Variants in KDM4B observed in about 807,000 individuals in gnomAD.
KDM4B encodes the protein lysine-specific demethylase 4B.
Under a neutral mutation model 125.2 loss-of-function variants are expected in KDM4B, and 32 were observed. The ratio of observed to expected loss-of-function variants is 0.26; its 90% confidence interval spans 0.19 to 0.34. The LOEUF (loss-of-function observed/expected upper bound fraction) is 0.34. KDM4B is among the 10% of genes least tolerant of loss of function. KDM4B has a pLI of 1.00. For synonymous variants in KDM4B, 721 were observed against 677.9 expected (o/e 1.06, Z -0.99); for missense variants, 1,190 against 1,577.7 (o/e 0.75, Z 4.16).
intron 9 of KDM4B, among the ~76,000 whole-genome samples, chr19:5,103,471 G>A (rs1249108733): frequency 6.6e-6 from 1 of 152,132 alleles, no homozygotes; most frequent in Admixed American, 6.5e-5. Context: ...CAAGAATATC[G>A]GGCTGTCGGA....
intron 1 of KDM4B, among the ~76,000 whole-genome samples, chr19:5,009,815 A>G (rs1461629574): frequency 6.6e-6 from 1 of 151,646 alleles, no homozygotes; most frequent in Non-Finnish European, 1.5e-5. Flanking sequence ...CACTGCAGCC[A>G]CTGCCTCCCA....
intron 11 of KDM4B, among the ~76,000 whole-genome samples, chr19:5,130,647 G>A (rs1316839741): frequency 2.0e-5 from 3 of 152,256 alleles, no homozygotes; most frequent in Non-Finnish European, 2.9e-5. Context: ...GGATACACGA[G>A]AACACAAAAA....
chr19:5,119,228 C>CT, intron 10 of KDM4B: 1 of 1,509,900 alleles, frequency 6.6e-7, no homozygotes, highest in Non-Finnish European at 8.9e-7. Flanking sequence ...TCGTAAGTGT[C>CT]TTTTTCGTTC....
intron 1 of KDM4B, among the ~76,000 whole-genome samples, chr19:4,990,240 C>T (rs756238193): frequency 1.3e-5 from 2 of 152,124 alleles, no homozygotes; most frequent in Non-Finnish European, 1.5e-5. Flanking sequence ...CAGTGAGCCA[C>T]GATTGCACCA....
Position 5,143,727 on chromosome 19 carries a change from G to T in KDM4B, c.2551-240G>T, listed in dbSNP as rs1047954128. 3.3e-5 allele frequency among the ~76,000 whole-genome samples: 5 copies of T among 152,156 alleles called. No homozygotes were observed. In the South Asian group the frequency reaches 8.3e-4, roughly 25 times the overall value. ...TGTCCCAGCAGCCAGTGACATGCAG[G>T]GGGGATGGGAGAGGACTCCCCAGAG... is the stretch of plus-strand genomic sequence containing the variant. On this transcript the variant is annotated intron_variant, in intron 18 of 22. Transcript: ENST00000159111.
intron 2 of KDM4B, among the ~76,000 whole-genome samples, chr19:5,025,098 TTTG>T (rs1366628935): frequency 5.9e-5 from 9 of 152,346 alleles, no homozygotes; most frequent in African/African-American, 2.2e-4. Context: ...GGACCCTTTT[TTTG>T]TTGTTAGAGA....
In KDM4B at chr19:5,114,081, G is replaced by T. The variant is rs2039206868; in HGVS notation, c.1115+3263G>T. 4 of 1,289,290 alleles carry T rather than the reference G, an allele frequency of 3.1e-6. No individual in the cohort carries two copies. The South Asian group carries it at 3.7e-5, about 12-fold the overall frequency. 79.9% of individuals were successfully genotyped at this position (1,289,290 alleles called of 1,614,324 possible). A position where few individuals can be genotyped will look rare whatever the true frequency, so the allele number is the denominator to read the frequency against. ...GCCTGGCTCCTGGCGGGTGCCCTCA[G>T]CCTCCCCACTCCCGGTGGCGCTGTG... is the stretch of plus-strand genomic sequence containing the variant. On this transcript the variant is annotated intron_variant, in intron 10 of 22. Coordinates refer to ENST00000159111, the MANE Select transcript of KDM4B (RefSeq NM_015015.3). This position sits in a 1 kb window ranked among gnomAD's most constrained non-coding sequence, Gnocchi z 5.8.
intron 6 of KDM4B, among the ~76,000 whole-genome samples, chr19:5,051,874 C>T (rs1344710493): frequency 6.6e-6 from 1 of 152,236 alleles, no homozygotes; most frequent in Non-Finnish European, 1.5e-5. Context: ...CTGGCTGTTT[C>T]CTCAGGGGAT....
intron 9 of KDM4B, among the ~76,000 whole-genome samples, chr19:5,091,879 A>G (rs1205869009): frequency 6.6e-6 from 1 of 151,264 alleles, no homozygotes. Context: ...CCTCTGATTT[A>G]TGGCGTTGTG....
At chr19:5,135,636 A>G (rs1313140891) in intron 15 of KDM4B, 75 bp downstream of exon 15, 3 of 1,308,418 alleles carry the variant, frequency 2.3e-6, no homozygotes. Flanking sequence ...TGGGGGCTCC[A>G]TCCTCCCCTG....
At chr19:5,005,191 C>G (rs538025935) in intron 1 of KDM4B, among the ~76,000 whole-genome samples, 1 of 152,344 alleles carries the variant, frequency 6.6e-6, no homozygotes, top group East Asian at 1.9e-4. Context: ...CCCATGACAT[C>G]TGAGGCTACA....
At chr19:4,976,481 C>T (rs983362579) in intron 1 of KDM4B, among the ~76,000 whole-genome samples, 2 of 152,176 alleles carry the variant, frequency 1.3e-5, no homozygotes, top group African/African-American at 2.4e-5. Context: ...GTCAGAAGCA[C>T]GTCGAGCCGT....
intron 3 of KDM4B, among the ~76,000 whole-genome samples, chr19:5,039,124 T>G (rs10518242): frequency 0.067 from 10,160 of 152,308 alleles, 458 homozygotes; most frequent in Middle Eastern, 0.17. Flanking sequence ...GCAGCGCTTA[T>G]GACCAAGCAT....
In KDM4B at chr19:5,150,501, C is replaced by G. The variant is rs1568329782; in HGVS notation, c.3114+51C>G. ...GCTCCGGGTGACTCAGGGAGCCCGTCTGGGACGAGGCAGGGCACAGACTGC... is the reference window on the plus strand; with the variant it reads ...GCTCCGGGTGACTCAGGGAGCCCGTGTGGGACGAGGCAGGGCACAGACTGC... On this transcript the variant is annotated intron_variant, in intron 22 of 22. Coordinates refer to ENST00000159111, the MANE Select transcript of KDM4B (RefSeq NM_015015.3). 3 of 1,344,434 alleles carry G rather than the reference C, an allele frequency of 2.2e-6. No homozygotes were observed. The African/African-American group carries it at 4.3e-5, about 19-fold the overall frequency. 83.3% of individuals were successfully genotyped at this position (1,344,434 alleles called of 1,614,324 possible).
At chr19:4,987,817 G>A (rs1157709174) in intron 1 of KDM4B, among the ~76,000 whole-genome samples, 1 of 152,152 alleles carries the variant, frequency 6.6e-6, no homozygotes, top group East Asian at 1.9e-4. Flanking sequence ...GGTGATTCAT[G>A]GCAATGGCTC....
Position 5,125,706 on chromosome 19 carries a change from G to A in KDM4B, c.1316-5370G>A, listed in dbSNP as rs1166006018. Among the ~76,000 whole-genome samples, 3 of 152,202 alleles carry A rather than the reference G, an allele frequency of 2.0e-5. No homozygotes were observed. The East Asian group carries it at 5.8e-4, about 29-fold the overall frequency. ...CAGAAAGGCCAGGGACCAGCGAGGA[G>A]GGTTAGGGGCTACGTTGGTGGCACG... On this transcript the variant is annotated intron_variant, in intron 11 of 22. Transcript: ENST00000159111.
rs1182135277 is a variant in KDM4B, at chr19:5,146,939, C to CAAAAA, written c.3021+2056_3021+2060dup. On this transcript the variant is annotated intron_variant, in intron 21 of 22. Transcript: ENST00000159111. ...TTGGGTGACACTGAGACCCTGTCTC[C>CAAAAA]AAAAAAAAAAAAAAAAAAAAAAACA... is the stretch of plus-strand genomic sequence containing the variant. 2.2e-3 allele frequency among the ~76,000 whole-genome samples: 135 copies of CAAAAA among 60,516 alleles called. 2 individuals carry two copies. The highest frequency in any genetic ancestry group is 2.6e-3 in the Non-Finnish European group (91 of 35,248). The allele number at this position is 60,516 out of a possible 152,430, so 39.7% of individuals were successfully genotyped here.
At chr19:5,047,374 G>A in intron 5 of KDM4B, 102 bp from the exon 6 acceptor site, 1 of 1,112,500 alleles carries the variant, frequency 9.0e-7, no homozygotes, top group Non-Finnish European at 1.3e-6. Context: ...AGGAGGATGG[G>A]CAGCGACCCC....
intron 6 of KDM4B, among the ~76,000 whole-genome samples, chr19:5,052,429 C>A (rs2037259924): frequency 6.6e-6 from 1 of 152,088 alleles, no homozygotes; most frequent in South Asian, 2.1e-4. Flanking sequence ...GCTTCCTGCC[C>A]TGTGGCCGCA....
Sources: gnomAD v4.1 joint callset for allele counts (sites outside exome capture counted in the v4.1 genomes callset) on GRCh38, gnomAD v4.1.1 for gene constraint, Gnocchi (gnomAD v3.1) non-coding constraint, MANE v1.5 for transcripts, NCBI Gene and HGNC (gene_info 2026-07-23, HGNC 2026-07-21) for gene names.